PLD5: variants seen among roughly 807,000 people sequenced by gnomAD.
The protein encoded by PLD5 is inactive phospholipase D5.
Under a neutral mutation model 61.1 loss-of-function variants are expected in PLD5, and 36 were observed. The observed-to-expected ratio is 0.59, with a 90% confidence interval of 0.45 to 0.78. The LOEUF is 0.78. Ranked by LOEUF, PLD5 falls within the 30% of genes least tolerant of loss-of-function variation. The pLI, the probability that PLD5 is intolerant of heterozygous loss-of-function variation, is 0.00. For missense variants in PLD5, 515 were observed against 644.4 expected, an observed-to-expected ratio of 0.80 and a Z score of 2.17; for synonymous variants, 243 against 242.8, an observed-to-expected ratio of 1.00 and a Z score of -0.01.
rs547504250 is a variant in PLD5 at position 242,229,096 on chromosome 1, G to A, written c.608-8981C>T. 5.3e-5 allele frequency among the ~76,000 whole-genome samples: 8 copies of A among 152,310 alleles called. No homozygotes were observed. In the East Asian group the frequency reaches 1.2e-3, roughly 22 times the overall value. On this transcript the variant is annotated intron_variant, in intron 4 of 9. Coordinates refer to ENST00000536534, the MANE Select transcript of PLD5 (RefSeq NM_001372062.1). ...AAAAACTCAAGCAATTTTTAGCAAA[G>A]AGCCTGTTGCACAGGTTGCATGAGT... is the stretch of plus-strand genomic sequence containing the variant.
intron 7 of PLD5, among the ~76,000 whole-genome samples, chr1:242,109,370 C>T (rs1054104256): frequency 3.3e-5 from 5 of 152,064 alleles, no homozygotes; most frequent in African/African-American, 1.2e-4. Context: ...CCCAGCTACT[C>T]GGGAGGCTGA....
chr1:242,130,126 A>G (rs1479187565), intron 5 of PLD5, among the ~76,000 whole-genome samples: 1 of 149,856 alleles, frequency 6.7e-6, no homozygotes, highest in Non-Finnish European at 1.5e-5. Context: ...ATCTTGGCTC[A>G]CTGCAACCTC....
rs1451047705 is a variant in PLD5, at chr1:242,345,172, G to A, written c.326+2934C>T. ...TATCACCCACTGCAGTTGTGACCAT[G>A]GTAAATTGCCACAATCGTCTCATGA... On this transcript the variant is annotated intron_variant, in intron 2 of 9. Coordinates refer to ENST00000536534, the MANE Select transcript of PLD5 (RefSeq NM_001372062.1). Among the ~76,000 whole-genome samples the A allele has an allele frequency of 2.6e-5, 4 of 152,250 alleles. No individual in the cohort carries two copies. The East Asian group carries it at 7.7e-4, about 29-fold the overall frequency.
chr1:242,300,210 G>A (rs1412040117), intron 2 of PLD5, among the ~76,000 whole-genome samples: 2 of 152,142 alleles, frequency 1.3e-5, no homozygotes, highest in African/African-American at 2.4e-5. Flanking sequence ...AGGCCAAGGC[G>A]GGTGGATCAC....
chr1:242,181,627 C>G (rs541042554), intron 5 of PLD5, among the ~76,000 whole-genome samples: 1 of 151,828 alleles, frequency 6.6e-6, no homozygotes, highest in Non-Finnish European at 1.5e-5. Flanking sequence ...TAAAGTACCA[C>G]TGACTGCTTG....
chr1:242,306,357 G>A (rs1676347907), intron 2 of PLD5, among the ~76,000 whole-genome samples: 1 of 151,460 alleles, frequency 6.6e-6, no homozygotes, highest in Admixed American at 6.6e-5. Context: ...CTTAGGATGG[G>A]TCATATGGTT....
At chr1:242,422,227 G>A (rs565999796) in intron 1 of PLD5, among the ~76,000 whole-genome samples, 1 of 152,242 alleles carries the variant, frequency 6.6e-6, no homozygotes, top group East Asian at 1.9e-4. Context: ...GGCAGGAGGA[G>A]AAGGGAACGA....
At chr1:242,270,215 A>G (rs1244204755) in intron 3 of PLD5, among the ~76,000 whole-genome samples, 1 of 151,052 alleles carries the variant, frequency 6.6e-6, no homozygotes, top group Non-Finnish European at 1.5e-5. Flanking sequence ...CCTCCCATAC[A>G]GAATCCGCGG....
chr1:242,190,494 C>A (rs1002159949), intron 5 of PLD5, among the ~76,000 whole-genome samples: 1 of 151,992 alleles, frequency 6.6e-6, no homozygotes, highest in Non-Finnish European at 1.5e-5. Flanking sequence ...ATGTGACTAT[C>A]GTGTATTCTT....
rs1296205735 is a variant in PLD5, at chr1:242,394,707, T to C, written c.190-46465A>G. On this transcript the variant is annotated intron_variant, in intron 1 of 9. Transcript: ENST00000536534. Reference sequence around the variant, plus strand: ...ACATATATGTGTATATATGTGAACATATATGTGTATATATGTGAACATATA... The same window carrying C: ...ACATATATGTGTATATATGTGAACACATATGTGTATATATGTGAACATATA... Among the ~76,000 whole-genome samples, 9 of 60,788 alleles carry C rather than the reference T, an allele frequency of 1.5e-4. 2 individuals carry two copies. The highest frequency in any genetic ancestry group is 2.6e-4 in the Non-Finnish European group (9 of 35,206). The allele number at this position is 60,788 out of a possible 152,430, so 39.9% of individuals were successfully genotyped here.
chr1:242,276,309 C>G (rs1674406648), intron 3 of PLD5, among the ~76,000 whole-genome samples: 1 of 150,232 alleles, frequency 6.7e-6, no homozygotes, highest in Admixed American at 6.7e-5. Flanking sequence ...TGCTGCCCAG[C>G]CTGGGCAACA....
intron 1 of PLD5, among the ~76,000 whole-genome samples, chr1:242,362,298 A>G (rs1661111814): frequency 2.0e-5 from 3 of 152,184 alleles, no homozygotes; most frequent in Admixed American, 2.0e-4. Context: ...ACCAAACAGT[A>G]GGAGACAGTC....
chr1:242,467,336 G>T (rs1667308327), intron 1 of PLD5, among the ~76,000 whole-genome samples: 1 of 152,018 alleles, frequency 6.6e-6, no homozygotes, highest in South Asian at 2.1e-4. Flanking sequence ...GTTACCAAAT[G>T]TTAACACTTG....
At chr1:242,155,111 A>G (rs1665248979) in intron 5 of PLD5, among the ~76,000 whole-genome samples, 1 of 152,118 alleles carries the variant, frequency 6.6e-6, no homozygotes, top group African/African-American at 2.4e-5. Flanking sequence ...CATTTCTTCT[A>G]GATTTTCTAC....
chr1:242,157,930 C>T (rs568385283), intron 5 of PLD5, among the ~76,000 whole-genome samples: 1 of 152,348 alleles, frequency 6.6e-6, no homozygotes, highest in South Asian at 2.1e-4. Context: ...TCCCTTCCCC[C>T]AGGTGCCCTG....
intron 5 of PLD5, among the ~76,000 whole-genome samples, chr1:242,167,067 CAATAATAATAGTAATAATAATAATAAT>C (rs1666354221): frequency 7.2e-5 from 4 of 55,238 alleles, no homozygotes; most frequent in Non-Finnish European, 1.1e-4. Context: ...GAGTGAGAGA[CAATAATAATAGTAATAATAATAATAAT>C]AATAATAATA....
At chr1:242,477,821 G>C (rs1005646174) in intron 1 of PLD5, among the ~76,000 whole-genome samples, 1 of 152,172 alleles carries the variant, frequency 6.6e-6, no homozygotes, top group Admixed American at 6.5e-5. Context: ...GCAAAGAAAT[G>C]GCAGCGGTCT....
At chr1:242,164,716 CATTACACTACTTTT>C (rs59563184) in intron 5 of PLD5, among the ~76,000 whole-genome samples, 76,623 of 151,960 alleles carry the variant, frequency 0.5, 19,964 homozygotes, top group East Asian at 0.71. Flanking sequence ...TCACAACCTT[CATTACACTACTTTT>C]GGGAAACACT....
intron 1 of PLD5, among the ~76,000 whole-genome samples, chr1:242,510,233 A>G (rs1290292369): frequency 1.3e-5 from 2 of 152,094 alleles, no homozygotes; most frequent in Non-Finnish European, 2.9e-5. Flanking sequence ...ACACACACAA[A>G]AAAAGGTCGG....
Sources: gnomAD v4.1 joint callset for allele counts (sites outside exome capture counted in the v4.1 genomes callset) on GRCh38, gnomAD v4.1.1 for gene constraint, MANE v1.5 for transcripts, NCBI Gene and HGNC (gene_info 2026-07-23, HGNC 2026-07-21) for gene names.